Variants in ANAPC11 observed in about 807,000 individuals in gnomAD.
The protein encoded by ANAPC11 is anaphase-promoting complex subunit 11.
Under a neutral mutation model 11.8 loss-of-function variants are expected in ANAPC11, and 5 were observed. The observed-to-expected ratio is 0.42, with a 90% CI of 0.22 to 0.89. ANAPC11 has a LOEUF of 0.89. Ranked by LOEUF, ANAPC11 falls within the 40% of genes least tolerant of loss-of-function variation. ANAPC11 has a pLI of 0.28. For missense variants in ANAPC11, 68 were observed against 112.9 expected, an observed-to-expected ratio of 0.60 and a Z score of 1.80; for synonymous variants, 45 against 41.0, an observed-to-expected ratio of 1.10 and a Z score of -0.38.
At chr17:81,894,643 C>A in intron 3 of ANAPC11, 57 bp downstream of exon 3, 1 of 1,191,178 alleles carries the variant, frequency 8.4e-7, no homozygotes, top group Non-Finnish European at 1.2e-6. Context: ...CCCCTCTGTG[C>A]TGTCTGCTGC....
chr17:81,892,965 C>T (rs1232556601), intron 1 of ANAPC11: 1 of 151,908 alleles, frequency 6.6e-6, no homozygotes, highest in Non-Finnish European at 1.5e-5. Context: ...TCGAGCTATC[C>T]TCCCACGTCA....
At chr17:81,893,327 T>A (rs1252132709) in intron 1 of ANAPC11, 1 of 151,968 alleles carries the variant, frequency 6.6e-6, no homozygotes, top group Non-Finnish European at 1.5e-5. Flanking sequence ...CTCCTGACCT[T>A]GTGATCTGCC....
At chr17:81,894,356 C>G in intron 2 of ANAPC11, 111 bp from the exon 3 acceptor site, 1 of 488,904 alleles carries the variant, frequency 2.0e-6, no homozygotes, top group Non-Finnish European at 3.6e-6. Flanking sequence ...CCTGCCTTGG[C>G]CCCCTGAGTA....
rs888625535 is a variant in ANAPC11, at chr17:81,891,845, C to A, written c.-75+4C>A. ...CAACGGAAGGGCGGGTAGGGCGGTG[C>A]GTGATTAGGTTGGCGAAGGTGCGAG... On this transcript the variant is annotated splice_donor_region_variant and intron_variant, in intron 1 of 3. Transcript: ENST00000344877. The A allele has an allele frequency of 1.4e-4, 28 of 206,166 alleles. No homozygotes were observed. The Admixed American group carries it at 1.6e-3, about 12-fold the overall frequency. 12.8% of individuals were successfully genotyped at this position (206,166 alleles called of 1,614,324 possible).
At chr17:81,892,623 A>C (rs1289123120) in intron 1 of ANAPC11, among the ~76,000 whole-genome samples, 2 of 143,790 alleles carry the variant, frequency 1.4e-5, no homozygotes, top group African/African-American at 5.7e-5. Context: ...CCTGGGTTCA[A>C]GCGAGTCTCC....
At chr17:81,894,697 A>G (rs909211318) in intron 3 of ANAPC11, 111 bp downstream of exon 3, 2 of 524,990 alleles carry the variant, frequency 3.8e-6, no homozygotes, top group Non-Finnish European at 3.2e-6. Flanking sequence ...ACCTGCACGA[A>G]ATACCCAGTT....
At chr17:81,897,675 G>C (rs1481329319) in intron 3 of ANAPC11, among the ~76,000 whole-genome samples, 1 of 152,026 alleles carries the variant, frequency 6.6e-6, no homozygotes, top group Non-Finnish European at 1.5e-5. Flanking sequence ...GTAGAGACAG[G>C]GTTTTGCTAT....
intron 3 of ANAPC11, among the ~76,000 whole-genome samples, chr17:81,895,201 T>C (rs1218731828): frequency 6.6e-6 from 1 of 152,020 alleles, no homozygotes; most frequent in Non-Finnish European, 1.5e-5. Context: ...ATCACAGGCA[T>C]GTGCCACTAC....
In ANAPC11 at chr17:81,900,162, G is replaced by C; in HGVS notation, c.*97G>C. On this transcript the variant is annotated 3_prime_UTR_variant, in exon 4 of 4. Transcript: ENST00000344877. ...GACAGCGCCCCTGAGCTGCAACAAG[G>C]TGGAAACAAGGGCTGGAGCTGCGTT... The C allele has an allele frequency of 6.5e-7, 1 of 1,544,974 alleles. No homozygotes were observed. The highest frequency in any genetic ancestry group is 1.7e-4 in the Middle Eastern group (1 of 5,918).
At chr17:81,892,730 C>T (rs1019661038) in intron 1 of ANAPC11, among the ~76,000 whole-genome samples, 1 of 151,966 alleles carries the variant, frequency 6.6e-6, no homozygotes. Flanking sequence ...GCCATGTTGG[C>T]CAGGGTGGTC....
At chr17:81,899,610 A>G (rs1185184759) in intron 3 of ANAPC11, 9 of 1,517,038 alleles carry the variant, frequency 5.9e-6, no homozygotes, top group Non-Finnish European at 8.0e-6. Flanking sequence ...CCAGAGCGCC[A>G]CCTCCTCAGA....
intron 3 of ANAPC11, chr17:81,899,558 T>A: frequency 6.2e-7 from 1 of 1,607,986 alleles, no homozygotes; most frequent in African/African-American, 1.3e-5. Flanking sequence ...ACATTGCCCT[T>A]TTTCCCCAGC....
upstream of ANAPC11, chr17:81,891,268 CCCAGCCCCGGCT>C (rs1324754894): frequency 3.6e-6 from 4 of 1,099,592 alleles, no homozygotes; most frequent in Non-Finnish European, 4.4e-6. Context: ...CGGCCCCGGC[CCCAGCCCCGGCT>C]GGCCCCCTCC....
rs534319421 is a variant in ANAPC11 at position 81,895,576 on chromosome 17, C to T, written c.109+990C>T. Among the ~76,000 whole-genome samples, 17 of 152,214 alleles carry T rather than the reference C, an allele frequency of 1.1e-4. 1 individual carries two copies. Among genetic ancestry groups the T allele is most frequent in the African/African-American group, 2.9e-4 (12 of 41,546 alleles). On this transcript the variant is annotated intron_variant, in intron 3 of 3. Transcript: ENST00000344877. ...CTGTTATTCCAGCACTGTGGGAGGCCGAGGCGGGCGGATCACAAGGTCAAG... is the reference window on the plus strand; with the variant it reads ...CTGTTATTCCAGCACTGTGGGAGGCTGAGGCGGGCGGATCACAAGGTCAAG...
chr17:81,897,749 G>T (rs1393324551), intron 3 of ANAPC11, among the ~76,000 whole-genome samples: 5 of 152,160 alleles, frequency 3.3e-5, no homozygotes, highest in Non-Finnish European at 2.9e-5. Context: ...ATACCAAAGT[G>T]CTGGGATTAC....
chr17:81,895,094 G>A (rs1164799104), intron 3 of ANAPC11, among the ~76,000 whole-genome samples: 2 of 61,572 alleles, frequency 3.2e-5, no homozygotes, highest in African/African-American at 6.8e-5. Flanking sequence ...CACTCTTGTT[G>A]CCCAGGCTGG....
At chr17:81,900,363 G>A (rs374359798), downstream of ANAPC11, 9 of 450,798 alleles carry the variant, frequency 2.0e-5, no homozygotes, top group Non-Finnish European at 3.2e-5. Flanking sequence ...CAAGGCCCTC[G>A]TCAAACCCTG....
chr17:81,892,622 A>G (rs2039583185), intron 1 of ANAPC11, among the ~76,000 whole-genome samples: 1 of 146,678 alleles, frequency 6.8e-6, no homozygotes, highest in Non-Finnish European at 1.5e-5. Context: ...TCCTGGGTTC[A>G]AGCGAGTCTC....
intron 2 of ANAPC11, among the ~76,000 whole-genome samples, chr17:81,894,140 G>C (rs2039650334): frequency 6.6e-6 from 1 of 151,758 alleles, no homozygotes; most frequent in Non-Finnish European, 1.5e-5. Context: ...GTCGGGCGTG[G>C]AGTCACGTGC....
Sources: gnomAD v4.1 joint callset for allele counts (sites outside exome capture counted in the v4.1 genomes callset) on GRCh38, gnomAD v4.1.1 for gene constraint, MANE v1.5 for transcripts, NCBI Gene and HGNC (gene_info 2026-07-23, HGNC 2026-07-21) for gene names.